The following PCSK5 variants were observed in gnomAD, a reference collection of about 807,000 sequenced individuals.
PCSK5 encodes the protein prohormone convertase 5.
In PCSK5, 129 loss-of-function variants were observed where a neutral mutation model predicts 233.2. The ratio of observed to expected loss-of-function variants is 0.55; its 90% CI spans 0.48 to 0.64. The LOEUF (loss-of-function observed/expected upper bound fraction) is 0.64, where lower values mean the gene tolerates loss of function less well. Ranked by LOEUF, PCSK5 falls within the 30% of genes least tolerant of loss-of-function variation. PCSK5 has a pLI of 0.00. For missense variants in PCSK5, 2,076 were observed against 2,430.1 expected, an observed-to-expected ratio of 0.85 and a Z score of 3.06; for synonymous variants, 825 against 879.2, an observed-to-expected ratio of 0.94 and a Z score of 1.09.
intron 30 of PCSK5, among the ~76,000 whole-genome samples, chr9:76,315,928 G>GTTTTTTTTTTTTTTTT (rs71499141): frequency 1.7e-4 from 16 of 91,790 alleles, no homozygotes; most frequent in Non-Finnish European, 2.1e-4. Flanking sequence ...CACTTCAAGG[G>GTTTTTTTTTTTTTTTT]TTTTTTTTTT....
chr9:76,246,411 T>C (rs1223220767), intron 24 of PCSK5, among the ~76,000 whole-genome samples: 1 of 149,510 alleles, frequency 6.7e-6, no homozygotes, highest in Non-Finnish European at 1.5e-5. Context: ...TGGCAAAAAT[T>C]CAAAAGCTTA....
At chr9:76,171,323 A>G (rs778454289) in intron 13 of PCSK5, among the ~76,000 whole-genome samples, 2 of 152,206 alleles carry the variant, frequency 1.3e-5, no homozygotes, top group Admixed American at 6.5e-5. Context: ...GCTGTGATCC[A>G]TTAGCAGGCA....
intron 1 of PCSK5, among the ~76,000 whole-genome samples, chr9:75,914,055 A>G (rs1323859272): frequency 6.6e-6 from 1 of 152,136 alleles, no homozygotes. Flanking sequence ...TAATCATTGG[A>G]GGAAATAAAG....
chr9:76,011,299 C>T (rs1827720344), intron 3 of PCSK5, among the ~76,000 whole-genome samples: 1 of 152,172 alleles, frequency 6.6e-6, no homozygotes, highest in South Asian at 2.1e-4. Context: ...TTTCTGAAGC[C>T]TCTGCTACTT....
chr9:76,231,053 GA>G (rs1412086959), intron 21 of PCSK5, among the ~76,000 whole-genome samples: 7 of 152,066 alleles, frequency 4.6e-5, no homozygotes, highest in African/African-American at 1.7e-4. Context: ...CTGCTATGAA[GA>G]AATACTCGAG....
rs141022101 is a variant in PCSK5 at position 76,044,641 on chromosome 9, G to C, written c.632+17604G>C. Among the ~76,000 whole-genome samples, 94 of 152,268 alleles carry C rather than the reference G, an allele frequency of 6.2e-4. No homozygotes were observed. In the East Asian group the frequency reaches 0.016, roughly 25 times the overall value. ...CCTTTTGTAATAACTTTTGGTATTA[G>C]AGCTAATTTAGAGATTTTGGTCATC... On this transcript the variant is annotated intron_variant, in intron 5 of 37. Coordinates refer to ENST00000674117, the MANE Select transcript of PCSK5 (RefSeq NM_001372043.1).
intron 5 of PCSK5, 74 bp downstream of exon 5, chr9:76,027,111 A>G (rs1828459411): frequency 2.2e-6 from 2 of 891,540 alleles, no homozygotes; most frequent in Admixed American, 2.1e-5. Context: ...TGAGGGAAGT[A>G]TTTTCTTCAA....
At chr9:76,075,540 A>G (rs188792408) in intron 7 of PCSK5, among the ~76,000 whole-genome samples, 133 of 152,220 alleles carry the variant, frequency 8.7e-4, no homozygotes, top group Non-Finnish European at 1.7e-3. Context: ...GCATCAAGTG[A>G]GACAGGAAAT....
chr9:76,179,636 G>A lies in PCSK5; in HGVS notation c.1941G>A (p.Gly647=). The A allele has an allele frequency of 6.2e-7, 1 of 1,613,866 alleles. No homozygotes were observed. Among genetic ancestry groups the A allele is most frequent in the Non-Finnish European group, 8.5e-7 (1 of 1,179,796 alleles). ...DPECSEVGCD[G]PGPDHCNDCL... is the part of the protein sequence containing the mutation. ...AGTGCAGTGAGGTTGGCTGTGACGG[G>A]CCAGGACCAGACCACTGCAATGACT... The change falls in exon 15 of 38, where the codon GGG becomes GGA. Residue 647 remains glycine, a synonymous_variant. Transcript: ENST00000674117.
chr9:76,026,829 G>A (rs544335276), intron 4 of PCSK5, 132 bp from the exon 5 acceptor site: 15 of 590,142 alleles, frequency 2.5e-5, no homozygotes, highest in African/African-American at 1.9e-4. Context: ...CCACTGAACC[G>A]TGAGGTGAGC....
At chr9:76,346,229 C>A (rs995786010) in intron 35 of PCSK5, among the ~76,000 whole-genome samples, 1 of 152,260 alleles carries the variant, frequency 6.6e-6, no homozygotes, top group African/African-American at 2.4e-5. Flanking sequence ...GTTCTCTATT[C>A]TTTTCCATTG....
chr9:76,127,626 A>G lies in PCSK5; in HGVS notation c.1209-6483A>G, dbSNP rs574214069. ...TAGTGAAACTAAAAAACATATTACT[A>G]AAGTTTAGGAACATTGCAGAAAACT... is the stretch of plus-strand genomic sequence containing the variant. On this transcript the variant is annotated intron_variant, in intron 9 of 37. Coordinates refer to ENST00000674117, the MANE Select transcript of PCSK5 (RefSeq NM_001372043.1). 2.0e-5 allele frequency among the ~76,000 whole-genome samples: 3 copies of G among 152,358 alleles called. No homozygotes were observed. The South Asian group carries it at 6.2e-4, about 32-fold the overall frequency.
intron 2 of PCSK5, among the ~76,000 whole-genome samples, chr9:75,961,414 T>G (rs1825348097): frequency 6.6e-6 from 1 of 152,232 alleles, no homozygotes; most frequent in South Asian, 2.1e-4. Flanking sequence ...TCTCATTTAA[T>G]CATTCAAATC....
chr9:76,179,090 T>C (rs1173416523), intron 14 of PCSK5, among the ~76,000 whole-genome samples: 2 of 152,244 alleles, frequency 1.3e-5, no homozygotes, highest in African/African-American at 2.4e-5. Flanking sequence ...GCTGATAAGC[T>C]TGTGCCAGGT....
At chr9:76,040,385 GTCTCTCTCTCTC>G (rs5898445) in intron 5 of PCSK5, among the ~76,000 whole-genome samples, 3,043 of 80,760 alleles carry the variant, frequency 0.038, 144 homozygotes, top group Non-Finnish European at 0.061. Context: ...CTCTCTCTCT[GTCTCTCTCTCTC>G]TCTCTCTCTC....
chr9:75,999,579 C>T (rs1827176815), intron 3 of PCSK5, among the ~76,000 whole-genome samples: 1 of 152,260 alleles, frequency 6.6e-6, no homozygotes, highest in African/African-American at 2.4e-5. Context: ...GCACAGATCA[C>T]TCATGCCATT....
intron 8 of PCSK5, among the ~76,000 whole-genome samples, chr9:76,102,527 GTT>G (rs967252874): frequency 1.3e-5 from 2 of 152,144 alleles, no homozygotes; most frequent in African/African-American, 2.4e-5. Flanking sequence ...CGTCCCAAAA[GTT>G]TGAGATTTTG....
At chr9:76,202,866 T>C (rs1207332207) in intron 20 of PCSK5, among the ~76,000 whole-genome samples, 1 of 152,216 alleles carries the variant, frequency 6.6e-6, no homozygotes, top group Non-Finnish European at 1.5e-5. Context: ...GTTTGTTTGA[T>C]GGGGGCAAAG....
At chr9:76,027,973 A>T (rs912218163) in intron 5 of PCSK5, among the ~76,000 whole-genome samples, 1 of 152,164 alleles carries the variant, frequency 6.6e-6, no homozygotes, top group Non-Finnish European at 1.5e-5. Flanking sequence ...AACTAGGTTT[A>T]TTTGATTAAG....
Sources: allele counts gnomAD v4.1 joint callset (sites outside exome capture counted in the v4.1 genomes callset), GRCh38; gene constraint gnomAD v4.1.1; transcripts MANE v1.5; gene names NCBI Gene and HGNC (gene_info 2026-07-23, HGNC 2026-07-21).